Variants in MBTD1 observed in about 807,000 individuals in gnomAD.
The protein encoded by MBTD1 is MBT domain-containing protein 1.
A neutral mutation model predicts 87.8 loss-of-function variants in MBTD1; 24 were observed. The observed-to-expected ratio is 0.27, with a 90% CI of 0.20 to 0.38. The LOEUF (loss-of-function observed/expected upper bound fraction) is 0.38. MBTD1 is among the 10% of genes least tolerant of loss of function. The pLI is 1.00. For missense variants in MBTD1, 436 were observed against 760.2 expected, an observed-to-expected ratio of 0.57 and a Z score of 5.02; for synonymous variants, 237 against 248.6, an observed-to-expected ratio of 0.95 and a Z score of 0.44.
intron 2 of MBTD1, among the ~76,000 whole-genome samples, chr17:51,236,997 C>T (rs1459830305): frequency 6.6e-6 from 1 of 151,660 alleles, no homozygotes; most frequent in African/African-American, 2.4e-5. Context: ...AAATATAACC[C>T]ATAAAGGAAA....
intron 6 of MBTD1, among the ~76,000 whole-genome samples, chr17:51,216,354 T>G (rs751556406): frequency 3.9e-5 from 6 of 152,316 alleles, no homozygotes; most frequent in Non-Finnish European, 5.9e-5. Context: ...AAAGTTGTAG[T>G]CAGGTTAAAC....
rs946246023 is a variant in MBTD1, at chr17:51,203,862, T to C, written c.668A>G (p.Asn223Ser). 26 of 1,613,574 alleles carry C rather than the reference T, an allele frequency of 1.6e-5. No homozygotes were observed. Among genetic ancestry groups the C allele is most frequent in the Non-Finnish European group, 2.1e-5 (25 of 1,179,792 alleles). ...ENDSGLDFWC[N>S]ICGSDIHPVG... ...TGGATGGATATCAGAACCACATATA[T>C]TGCACCAGAAGTCCAGACCAGAGTC... The change falls in exon 8 of 17, where the codon AAT (asparagine) becomes AGT (serine). Residue 223 changes from asparagine to serine, a missense_variant. By Grantham distance (46) the Asn-to-Ser change is conservative (BLOSUM62 1). Around this residue, in one of 5 missense-constraint regions of MBTD1, gnomAD observed 268 missense variants for 401.8 expected, o/e 0.67. Transcript: ENST00000586178.
At chr17:51,249,166 G>A (rs2144165988) in intron 2 of MBTD1, among the ~76,000 whole-genome samples, 2 of 152,228 alleles carry the variant, frequency 1.3e-5, no homozygotes, top group South Asian at 2.1e-4. Context: ...AGGCTGAGGT[G>A]GGAGGATCAC....
intron 2 of MBTD1, among the ~76,000 whole-genome samples, 193 bp downstream of exon 2, chr17:51,258,950 T>A (rs529867956): frequency 1.3e-5 from 2 of 152,120 alleles, no homozygotes; most frequent in South Asian, 4.1e-4. Flanking sequence ...CAATGAGCAG[T>A]GGGTGGGTGA....
chr17:51,245,100 CCAT>C (rs1222175545), intron 2 of MBTD1, among the ~76,000 whole-genome samples: 1 of 151,946 alleles, frequency 6.6e-6, no homozygotes, highest in African/African-American at 2.4e-5. Flanking sequence ...CGGGGTTTCA[CCAT>C]GTTAGCCAGG....
At chr17:51,192,165 A>C in intron 16 of MBTD1, 38 bp downstream of exon 16, 2 of 1,377,588 alleles carry the variant, frequency 1.5e-6, no homozygotes, top group Non-Finnish European at 2.0e-6. Context: ...ATTAGTTAAC[A>C]ATTAGAAAAT....
chr17:51,259,812 C>G, intron 1 of MBTD1, 23 bp downstream of exon 1: 1 of 1,232,526 alleles, frequency 8.1e-7, no homozygotes, highest in Non-Finnish European at 1.0e-6. Flanking sequence ...GCACACAAAG[C>G]GGCTGCCGCG....
chr17:51,233,196 A>C (rs2053639461), intron 2 of MBTD1, among the ~76,000 whole-genome samples: 1 of 152,132 alleles, frequency 6.6e-6, no homozygotes, highest in South Asian at 2.1e-4. Flanking sequence ...CAGAACATCA[A>C]AGGAAAGATA....
At chr17:51,222,179 T>C (rs2052941285) in intron 3 of MBTD1, among the ~76,000 whole-genome samples, 1 of 152,244 alleles carries the variant, frequency 6.6e-6, no homozygotes, top group African/African-American at 2.4e-5. Context: ...TTCTGTGTTG[T>C]TCATCTGCTA....
chr17:51,187,479 G>A (rs2050592278), intron 16 of MBTD1, among the ~76,000 whole-genome samples: 1 of 151,260 alleles, frequency 6.6e-6, no homozygotes. Flanking sequence ...CATGTACAAT[G>A]CTTTTGCCAA....
chr17:51,249,414 T>C lies in MBTD1; in HGVS notation c.-49+9729A>G, dbSNP rs2054643323. ...TTCTTCTTATACTTCATATAGATTT[T>C]GCTTTATACAGATTGTTGCTGTGTT... On this transcript the variant is annotated intron_variant, in intron 2 of 16. Transcript: ENST00000586178. Among the ~76,000 whole-genome samples the C allele has an allele frequency of 2.0e-5, 3 of 152,372 alleles. No individual in the cohort carries two copies. The South Asian group carries it at 6.2e-4, about 32-fold the overall frequency.
intron 2 of MBTD1, among the ~76,000 whole-genome samples, chr17:51,240,999 A>G (rs1448006618): frequency 3.3e-5 from 5 of 151,544 alleles, no homozygotes; most frequent in African/African-American, 1.2e-4. Context: ...TTTCTTTGAG[A>G]CAGGGTCTCC....
At chr17:51,259,288 C>G in intron 1 of MBTD1, 82 bp from the exon 2 acceptor site, 1 of 1,229,628 alleles carries the variant, frequency 8.1e-7, no homozygotes, top group Non-Finnish European at 1.0e-6. Flanking sequence ...TTTAAATATG[C>G]AGCCTTGGAG....
At chr17:51,184,899 G>T (rs2050465997) in intron 16 of MBTD1, 1 of 152,186 alleles carries the variant, frequency 6.6e-6, no homozygotes, top group African/African-American at 2.4e-5. Context: ...GGTAACACTG[G>T]ATTTACAATC....
At chr17:51,234,380 A>G (rs888675308) in intron 2 of MBTD1, among the ~76,000 whole-genome samples, 6 of 138,300 alleles carry the variant, frequency 4.3e-5, no homozygotes, top group Non-Finnish European at 9.2e-5. Flanking sequence ...GCCACAGAGG[A>G]GAGACTTTGT....
chr17:51,185,364 C>G (rs551986945), intron 16 of MBTD1: 21 of 152,304 alleles, frequency 1.4e-4, no homozygotes, highest in African/African-American at 5.1e-4. Flanking sequence ...ATGATAATAC[C>G]ATGCTTGTTC....
intron 2 of MBTD1, chr17:51,249,847 C>G (rs2054673377): frequency 6.6e-6 from 1 of 152,128 alleles, no homozygotes; most frequent in Admixed American, 6.6e-5. Context: ...ATGGTAGCCT[C>G]TGACTCCCTC....
At chr17:51,196,418 TTCA>T (rs1211978248) in intron 12 of MBTD1, among the ~76,000 whole-genome samples, 4 of 151,074 alleles carry the variant, frequency 2.6e-5, no homozygotes, top group African/African-American at 9.7e-5. Flanking sequence ...GAGATGGGAT[TTCA>T]TCATGTTGGC....
intron 2 of MBTD1, chr17:51,256,743 C>T (rs535892759): frequency 1.4e-4 from 21 of 152,190 alleles, no homozygotes; most frequent in South Asian, 1.0e-3. Flanking sequence ...TAGTGGCTAC[C>T]GTAACTGGAC....
Sources: gnomAD v4.1 joint callset for allele counts (sites outside exome capture counted in the v4.1 genomes callset) on GRCh38, gnomAD v4.1.1 for gene constraint, gnomAD v4.1.1 regional missense constraint, MANE v1.5 for transcripts, NCBI Gene and HGNC (gene_info 2026-07-23, HGNC 2026-07-21) for gene names.